Variants in RGS6 observed in about 807,000 individuals in gnomAD.
The protein encoded by RGS6 is regulator of G protein signaling 6.
In RGS6, 30 loss-of-function variants were observed where a neutral mutation model predicts 78.5. That is an observed-to-expected ratio of 0.38 (90% CI 0.29 to 0.52). The LOEUF is 0.52. Ranked by LOEUF, RGS6 falls within the 20% of genes least tolerant of loss-of-function variation. The pLI is 0.85. For missense variants in RGS6, 495 were observed against 609.7 expected, an observed-to-expected ratio of 0.81 and a Z score of 1.98; for synonymous variants, 206 against 206.0, an observed-to-expected ratio of 1.00 and a Z score of 0.00.
chr14:72,213,308 G>A (rs2044646606), intron 2 of RGS6, among the ~76,000 whole-genome samples: 1 of 152,140 alleles, frequency 6.6e-6, no homozygotes, highest in South Asian at 2.1e-4. Context: ...CAGTGGGCCA[G>A]GAAAGAGGCC....
chr14:72,533,842 A>G (rs1332265870), intron 15 of RGS6, among the ~76,000 whole-genome samples: 7 of 152,258 alleles, frequency 4.6e-5, no homozygotes, highest in Non-Finnish European at 4.4e-5. Flanking sequence ...GTTGCTTCCT[A>G]TGGAAGAGTA....
At chr14:71,960,150 A>G (rs1176648204) in intron 1 of RGS6, among the ~76,000 whole-genome samples, 1 of 152,212 alleles carries the variant, frequency 6.6e-6, no homozygotes, top group Non-Finnish European at 1.5e-5. Flanking sequence ...AGTTTGGAGT[A>G]GACTTGCAGG....
intron 12 of RGS6, among the ~76,000 whole-genome samples, chr14:72,489,164 A>ACCC (rs200005100): frequency 4.8e-5 from 7 of 146,506 alleles, no homozygotes; most frequent in East Asian, 2.1e-4. Context: ...GGGCCCCCCC[A>ACCC]CCGGCTGTTT....
At chr14:71,921,768 C>T in the RGS6 span, among the ~76,000 whole-genome samples, 3 of 152,186 alleles carry the variant, frequency 2.0e-5, no homozygotes, top group East Asian at 1.9e-4. Flanking sequence ...ACAGATACAA[C>T]GGTTTTTTAA....
At chr14:71,877,316 C>G in the RGS6 span, among the ~76,000 whole-genome samples, 1 of 152,216 alleles carries the variant, frequency 6.6e-6, no homozygotes, top group Non-Finnish European at 1.5e-5. Flanking sequence ...GTACACCAAT[C>G]AGACGAAGAT....
chr14:72,271,139 C>T (rs565254139), intron 2 of RGS6, among the ~76,000 whole-genome samples: 1 of 152,084 alleles, frequency 6.6e-6, no homozygotes, highest in Non-Finnish European at 1.5e-5. Context: ...TTGTTCCTCT[C>T]GTTTCACCAC....
intron 2 of RGS6, among the ~76,000 whole-genome samples, chr14:72,342,885 A>G (rs1483649640): frequency 1.3e-5 from 2 of 152,184 alleles, no homozygotes; most frequent in African/African-American, 2.4e-5. Context: ...CATCCCTGAC[A>G]TCTTCCCCAA....
At chr14:71,964,913 G>A in intron 2 of RGS6, 38 bp downstream of exon 2, 2 of 1,529,642 alleles carry the variant, frequency 1.3e-6, no homozygotes, top group Non-Finnish European at 1.8e-6. Context: ...TGCTGTCCGT[G>A]TGGACTGTTG....
intron 2 of RGS6, among the ~76,000 whole-genome samples, chr14:72,198,440 C>G (rs1210653904): frequency 1.3e-5 from 2 of 152,248 alleles, no homozygotes; most frequent in Non-Finnish European, 2.9e-5. Context: ...TAAATAAGGA[C>G]AATAGACTAA....
At chr14:72,022,574 C>G (rs2088900770) in intron 2 of RGS6, 1 of 152,186 alleles carries the variant, frequency 6.6e-6, no homozygotes, top group African/African-American at 2.4e-5. Context: ...CCTATGGTCA[C>G]TTGCTAATAC....
chr14:72,416,971 G>T (rs2093858998), intron 3 of RGS6, among the ~76,000 whole-genome samples: 2 of 152,218 alleles, frequency 1.3e-5, no homozygotes, highest in South Asian at 4.1e-4. Context: ...CTGGCACAGG[G>T]TATGCCTTAG....
intron 2 of RGS6, among the ~76,000 whole-genome samples, chr14:72,099,228 C>T (rs974277527): frequency 3.3e-5 from 5 of 152,036 alleles, no homozygotes; most frequent in African/African-American, 4.8e-5. Flanking sequence ...GGTGCGATCT[C>T]GGCTCCCTGC....
intron 2 of RGS6, among the ~76,000 whole-genome samples, chr14:71,979,805 C>T (rs1197787678): frequency 6.6e-6 from 1 of 152,046 alleles, no homozygotes; most frequent in East Asian, 1.9e-4. Context: ...AGTTCAATTC[C>T]TGGGTATCCT....
intron 2 of RGS6, among the ~76,000 whole-genome samples, chr14:72,178,086 T>G (rs925175115): frequency 6.6e-6 from 1 of 152,244 alleles, no homozygotes; most frequent in African/African-American, 2.4e-5. Flanking sequence ...TGCTGGCTGT[T>G]GTTTCTCACT....
chr14:72,249,521 C>T (rs910544632), intron 2 of RGS6, among the ~76,000 whole-genome samples: 17 of 152,308 alleles, frequency 1.1e-4, no homozygotes, highest in African/African-American at 3.8e-4. Flanking sequence ...TTTGGATGGG[C>T]ATATTCTGGT....
intron 2 of RGS6, among the ~76,000 whole-genome samples, chr14:72,095,687 A>G (rs1428415356): frequency 6.6e-6 from 1 of 152,244 alleles, no homozygotes; most frequent in Admixed American, 6.5e-5. Flanking sequence ...TGGATGGGGC[A>G]AGTAACTGCC....
chr14:72,417,683 C>G (rs1459328919), intron 3 of RGS6, among the ~76,000 whole-genome samples: 2 of 152,220 alleles, frequency 1.3e-5, no homozygotes, highest in Non-Finnish European at 2.9e-5. Context: ...ACTTCTGTTT[C>G]CTCACCTACA....
chr14:72,354,024 ACACACACACG>A (rs2079680933), intron 3 of RGS6, among the ~76,000 whole-genome samples: 1 of 151,982 alleles, frequency 6.6e-6, no homozygotes, highest in East Asian at 1.9e-4. Context: ...GGAACAGCAC[ACACACACACG>A]CACACACAGG....
chr14:72,434,090 C>T (rs2094788693), intron 3 of RGS6, among the ~76,000 whole-genome samples: 1 of 152,230 alleles, frequency 6.6e-6, no homozygotes, highest in African/African-American at 2.4e-5. Context: ...CATCCCCAAA[C>T]TTTGGGAAAC....
Sources: gnomAD v4.1 joint callset for allele counts (sites outside exome capture counted in the v4.1 genomes callset) on GRCh38, gnomAD v4.1.1 for gene constraint, MANE v1.5 for transcripts, NCBI Gene and HGNC (gene_info 2026-07-23, HGNC 2026-07-21) for gene names.